POLR1A: variants seen among roughly 807,000 people sequenced by gnomAD.
POLR1A encodes the protein RNA polymerase I subunit A, also known as DNA-directed RNA polymerase I subunit RPA1.
POLR1A carries 84 observed loss-of-function variants against 205.3 expected under a neutral mutation model. That is an observed-to-expected ratio of 0.41 (90% CI 0.34 to 0.49). The LOEUF is 0.49. Among genes scored for constraint, POLR1A ranks in the 20% least tolerant of loss-of-function variants. The pLI, the probability that POLR1A is intolerant of heterozygous loss-of-function variation, is 0.22. For missense variants in POLR1A, 1,645 were observed against 2,204.5 expected (o/e 0.75, Z 5.08); for synonymous variants, 799 against 863.7 (o/e 0.93, Z 1.31).
intron 13 of POLR1A, among the ~76,000 whole-genome samples, chr2:86,067,591 T>C (rs890011286): frequency 1.3e-5 from 2 of 152,148 alleles, no homozygotes; most frequent in African/African-American, 4.8e-5. Flanking sequence ...GTACTTTAAT[T>C]CAGTATTATG....
Position 86,033,775 on chromosome 2 carries a change from A to C in POLR1A, c.4047T>G (p.Leu1349=), listed in dbSNP as rs758839454. 6 of 1,614,072 alleles carry C rather than the reference A, an allele frequency of 3.7e-6. No individual in the cohort carries two copies. The highest frequency in any genetic ancestry group is 5.1e-6 in the Non-Finnish European group (6 of 1,180,018). The change falls in exon 28 of 34, where the codon CTT becomes CTG. Residue 1349 remains leucine, a synonymous_variant. Transcript: ENST00000263857. ...TCTTCTTTTTGATGGATTCCATCAG[A>C]AGTTTAAAGAATCTAAAACAAGAAG... ...LRFMETRFFK[L]LMESIKKKNN...
chr2:86,043,320 T>G, intron 22 of POLR1A, 125 bp from the exon 23 acceptor site: 1 of 735,442 alleles, frequency 1.4e-6, no homozygotes, highest in Non-Finnish European at 2.3e-6. Context: ...GGAGCCCTCA[T>G]GATGGGGCCG....
In POLR1A at chr2:86,039,439, G is replaced by C; in HGVS notation, c.3764C>G (p.Ala1255Gly). ...CATGGGTGTCTTGATGTTGGCGCTG[G>C]CCACCATGAGAATCTCCCGCAACCT... ...IPRLREILMV[A>G]SANIKTPMMS... is the part of the protein sequence containing the mutation. The change falls in exon 26 of 34, where the codon GCC (alanine) becomes GGC (glycine). Residue 1255 changes from alanine to glycine, a missense_variant. Physicochemically the swap from Ala to Gly is moderately conservative, Grantham distance 60 (BLOSUM62 0). Around this residue, in one of 16 missense-constraint regions of POLR1A, gnomAD observed 394 missense variants for 468.5 expected, o/e 0.84. Coordinates refer to ENST00000263857, the MANE Select transcript of POLR1A (RefSeq NM_015425.6). The C allele has an allele frequency of 6.2e-7, 1 of 1,614,108 alleles. No homozygotes were observed. The highest frequency in any genetic ancestry group is 8.5e-7 in the Non-Finnish European group (1 of 1,180,016).
At chr2:86,041,399 TG>T (rs1353519755) in intron 24 of POLR1A, among the ~76,000 whole-genome samples, 10 of 151,972 alleles carry the variant, frequency 6.6e-5, no homozygotes, top group African/African-American at 2.4e-4. Flanking sequence ...TCTGTGTGTG[TG>T]TGTGTGTGTG....
At chr2:86,104,447 GTT>G (rs60028748) in intron 1 of POLR1A, among the ~76,000 whole-genome samples, 71,849 of 113,994 alleles carry the variant, frequency 0.63, 22,185 homozygotes, top group Non-Finnish European at 0.73. Context: ...GCCGTGTTGA[GTT>G]TTTTTTTTTT....
chr2:86,039,231 G>T, intron 26 of POLR1A, 96 bp downstream of exon 26: 1 of 1,333,726 alleles, frequency 7.5e-7, no homozygotes. Flanking sequence ...TCTGAGCCTA[G>T]GGTCAGAGCA....
intron 11 of POLR1A, among the ~76,000 whole-genome samples, chr2:86,075,874 G>A (rs974510950): frequency 6.6e-6 from 1 of 152,150 alleles, no homozygotes; most frequent in Non-Finnish European, 1.5e-5. Context: ...CCCAAAGGTG[G>A]CATGGGGCAC....
Position 86,080,856 on chromosome 2 carries a change from T to A in POLR1A, c.1046A>T (p.Gln349Leu). The A allele has an allele frequency of 6.2e-7, 1 of 1,613,912 alleles. No homozygotes were observed. The highest frequency in any genetic ancestry group is 2.2e-5 in the East Asian group (1 of 44,896). ...TGTGGCCACTTCCTCTGGCAACTTCTGTTCTTGGGCCATCAATGCCAGAAG... is the reference window on the plus strand; with the variant it reads ...TGTGGCCACTTCCTCTGGCAACTTCAGTTCTTGGGCCATCAATGCCAGAAG... ...RKLLALMAQE[Q>L]KLPEEVATPT... Residue 349 changes from glutamine to leucine, a missense_variant, in exon 9 of 34, where the codon CAG becomes CTG. Physicochemically the swap from Gln to Leu is moderately radical, Grantham distance 113. Coordinates refer to ENST00000263857, the MANE Select transcript of POLR1A (RefSeq NM_015425.6).
rs974170284 is a variant in POLR1A at position 86,032,317 on chromosome 2, G to A, written c.4227C>T (p.Asp1409=). 8.7e-6 allele frequency: 14 copies of A among 1,613,382 alleles called. No individual in the cohort carries two copies. The highest frequency in any genetic ancestry group is 1.1e-5 in the Non-Finnish European group (13 of 1,179,522). ...TGCGTTTGGCATCAGAGGCATCGGC[G>A]TCCCCCTCCTCAGCTTCAGCATCCA... ...HIVDAEAEEG[D]ADASDAKRKE... Residue 1409 remains aspartate, a synonymous_variant, in exon 29 of 34, where the codon GAC becomes GAT. Coordinates refer to ENST00000263857, the MANE Select transcript of POLR1A (RefSeq NM_015425.6).
At position 86,098,824 on chromosome 2, in the gene POLR1A, C is replaced by T. The variant is rs948865764; in HGVS notation, c.283-64G>A. On this transcript the variant is annotated intron_variant, in intron 2 of 33. Coordinates refer to ENST00000263857, the MANE Select transcript of POLR1A (RefSeq NM_015425.6). The stretch of plus-strand genomic sequence containing the variant: ...GAGACACAGTAGCCATGGTGATTTT[C>T]GGTATACTCACAAGTTTCTTTATGT... 1.4e-5 allele frequency: 21 copies of T among 1,515,508 alleles called. 1 individual carries two copies. Among genetic ancestry groups the T allele is most frequent in the Admixed American group, 1.7e-5 (1 of 57,430 alleles). The allele number at this position is 1,515,508 out of a possible 1,614,324, so 93.9% of individuals were successfully genotyped here.
Position 86,058,398 on chromosome 2 carries a change from C to CT in POLR1A, c.2059-4110dup, listed in dbSNP as rs11350157. The stretch of plus-strand genomic sequence containing the variant: ...ACAGGTGTGAGCCACCTCACCCAGC[C>CT]TTTTTTTTTTTTTTTTTTTTTTAAA... On this transcript the variant is annotated intron_variant, in intron 14 of 33. Transcript: ENST00000263857. Among the ~76,000 whole-genome samples the CT allele has an allele frequency of 9.4e-3, 1,133 of 120,058 alleles. 15 individuals carry two copies. The highest frequency in any genetic ancestry group is 0.079 in the East Asian group (335 of 4,240). The allele number at this position is 120,058 out of a possible 152,430, so 78.8% of individuals were successfully genotyped here.
chr2:86,032,439 A>C lies in POLR1A; in HGVS notation c.4162-57T>G. The stretch of plus-strand genomic sequence containing the variant: ...AACTCCAATATCTAGTGCTCAGTGA[A>C]TCCATCCATCCACCCACCAACCCAT... On this transcript the variant is annotated intron_variant, in intron 28 of 33. Transcript: ENST00000263857. The C allele has an allele frequency of 3.3e-6, 4 of 1,207,414 alleles. No homozygotes were observed. The East Asian group carries it at 9.3e-5, about 28-fold the overall frequency. The allele number at this position is 1,207,414 out of a possible 1,614,324, so 74.8% of individuals were successfully genotyped here. A position where few individuals can be genotyped will look rare whatever the true frequency, so the allele number is the denominator to read the frequency against.
At chr2:86,078,835 T>C (rs1448083673) in intron 9 of POLR1A, among the ~76,000 whole-genome samples, 1 of 152,256 alleles carries the variant, frequency 6.6e-6, no homozygotes, top group East Asian at 1.9e-4. Context: ...AGTGGCTGAT[T>C]GCCAAGTCTC....
At chr2:86,081,803 A>G in intron 7 of POLR1A, 97 bp from the exon 8 acceptor site, 1 of 712,078 alleles carries the variant, frequency 1.4e-6, no homozygotes, top group East Asian at 2.6e-5. Context: ...AGGAAAAAAC[A>G]GAATACAAGA....
intron 13 of POLR1A, among the ~76,000 whole-genome samples, chr2:86,068,138 T>C (rs934022235): frequency 6.6e-6 from 1 of 152,102 alleles, no homozygotes. Flanking sequence ...GCACAGCACA[T>C]TCAAGGTCAC....
intron 14 of POLR1A, among the ~76,000 whole-genome samples, chr2:86,059,852 C>T (rs1401580434): frequency 6.6e-6 from 1 of 152,170 alleles, no homozygotes; most frequent in South Asian, 2.1e-4. Context: ...AGGCATAATC[C>T]ACCATGCCTG....
At chr2:86,103,350 C>T (rs1442923466) in intron 1 of POLR1A, among the ~76,000 whole-genome samples, 1 of 151,982 alleles carries the variant, frequency 6.6e-6, no homozygotes, top group East Asian at 1.9e-4. Context: ...GCAAGGAGGT[C>T]AGGGTAGCCA....
In POLR1A at chr2:86,027,958, C is replaced by T. The variant is rs147245488; in HGVS notation, c.4989G>A (p.Arg1663=). Residue 1663 remains arginine, a synonymous_variant, in exon 33 of 34, where the codon CGG becomes CGA. Coordinates refer to ENST00000263857, the MANE Select transcript of POLR1A (RefSeq NM_015425.6). ...TCTGCTGTAGCGGGGAAGAGTTTGA[C>T]CGGATCCCAAAGCGATTCAGTGGCT... The part of the protein sequence containing the change: ...VYKPLNRFGI[R]SNSSPLQQMT... 248 of 1,614,232 alleles carry T rather than the reference C, an allele frequency of 1.5e-4. No individual in the cohort carries two copies. In the African/African-American group the frequency reaches 3.1e-3, roughly 20 times the overall value.
intron 4 of POLR1A, among the ~76,000 whole-genome samples, chr2:86,089,258 G>C (rs760490658): frequency 6.6e-6 from 1 of 152,222 alleles, no homozygotes; most frequent in Non-Finnish European, 1.5e-5. Context: ...TTCTAAGGAA[G>C]GCACATCCAC....
Sources: allele counts gnomAD v4.1 joint callset (sites outside exome capture counted in the v4.1 genomes callset), GRCh38; gene constraint gnomAD v4.1.1; regional missense constraint gnomAD v4.1.1; transcripts MANE v1.5; gene names NCBI Gene and HGNC (gene_info 2026-07-23, HGNC 2026-07-21).